The following VKORC1L1 variants were observed in gnomAD, a reference collection of about 807,000 sequenced individuals.
VKORC1L1 encodes the protein vitamin K epoxide reductase complex subunit 1-like protein 1.
Under a neutral mutation model 18.9 loss-of-function variants are expected in VKORC1L1, and 2 were observed. The ratio of observed to expected loss-of-function variants is 0.11; its 90% CI spans 0.04 to 0.33. The LOEUF (loss-of-function observed/expected upper bound fraction) is 0.33. VKORC1L1 is among the 10% of genes least tolerant of loss of function. VKORC1L1 has a pLI of 1.00. For synonymous variants in VKORC1L1, 96 were observed against 100.0 expected (o/e 0.96, Z 0.24); for missense variants, 123 against 224.1 (o/e 0.55, Z 2.88).
At chr7:65,866,779 G>A in the VKORC1L1 span, among the ~76,000 whole-genome samples, 2 of 152,098 alleles carry the variant, frequency 1.3e-5, no homozygotes, top group Admixed American at 1.3e-4. Context: ...TGGGTACGGT[G>A]GCATGCACAT....
At position 65,950,596 on chromosome 7, in the gene VKORC1L1, C is replaced by CA. The variant is rs149432014; in HGVS notation, c.304+1818dup. Among the ~76,000 whole-genome samples, 1,219 of 150,860 alleles carry CA rather than the reference C, an allele frequency of 8.1e-3. 18 individuals are homozygous for CA. The highest frequency in any genetic ancestry group is 0.028 in the African/African-American group (1,148 of 41,042). On this transcript the variant is annotated intron_variant, in intron 2 of 2. Transcript: ENST00000360768. ...TTGCAGAAGTAGAAAGATGTGTGCACAAGGATATTCATAGCAGTACAGTGT... is the reference window on the plus strand; with the variant it reads ...TTGCAGAAGTAGAAAGATGTGTGCACAAAGGATATTCATAGCAGTACAGTGT...
intron 1 of VKORC1L1, among the ~76,000 whole-genome samples, chr7:65,940,964 G>C (rs1790023242): frequency 6.6e-6 from 1 of 151,988 alleles, no homozygotes; most frequent in African/African-American, 2.4e-5. Context: ...ATGAGAGTGG[G>C]GATTAAACTA....
intron 1 of VKORC1L1, among the ~76,000 whole-genome samples, chr7:65,913,849 T>A (rs77552939): frequency 0.013 from 2,000 of 152,106 alleles, 43 homozygotes; most frequent in East Asian, 0.087. Flanking sequence ...TAAGGAAAAT[T>A]TCTGAGTAGT....
chr7:65,870,457 G>T (rs1788713133), upstream of VKORC1L1, among the ~76,000 whole-genome samples: 1 of 151,990 alleles, frequency 6.6e-6, no homozygotes, highest in Admixed American at 6.6e-5. Context: ...ATAAAAATAA[G>T]TGAGGGCTTA....
intron 1 of VKORC1L1, among the ~76,000 whole-genome samples, chr7:65,922,073 T>C (rs1789685106): frequency 6.6e-6 from 1 of 152,180 alleles, no homozygotes; most frequent in South Asian, 2.1e-4. Context: ...TTTCTGTCAG[T>C]GCGTGGACCT....
intron 1 of VKORC1L1, among the ~76,000 whole-genome samples, chr7:65,907,526 C>T (rs929995277): frequency 5.9e-5 from 9 of 152,182 alleles, no homozygotes; most frequent in African/African-American, 1.9e-4. Flanking sequence ...CGGCCTCTGG[C>T]ATCCTTTTGT....
At chr7:65,896,859 TG>T (rs1307011580) in intron 1 of VKORC1L1, among the ~76,000 whole-genome samples, 1 of 151,844 alleles carries the variant, frequency 6.6e-6, no homozygotes, top group African/African-American at 2.4e-5. Context: ...ATTAGCCAGG[TG>T]TAGTGGCACA....
intron 1 of VKORC1L1, among the ~76,000 whole-genome samples, chr7:65,903,235 C>T (rs1789349038): frequency 6.7e-6 from 1 of 148,998 alleles, no homozygotes; most frequent in South Asian, 2.1e-4. Flanking sequence ...GGCATGAACT[C>T]AGCTCACTGC....
upstream of VKORC1L1, among the ~76,000 whole-genome samples, chr7:65,871,784 T>C (rs1788729313): frequency 6.6e-6 from 1 of 151,984 alleles, no homozygotes; most frequent in African/African-American, 2.4e-5. Context: ...GCTGCAGCCC[T>C]GGCTGACAGC....
Position 65,954,600 on chromosome 7 carries a change from A to ATT in VKORC1L1, c.*300_*301insTT. ...GCCCTAGCCCCCTGCCCTCAATTGT[A>ATT]AAGTGAGCAACCATTGCTAGTAATT... On this transcript the variant is annotated 3_prime_UTR_variant, in exon 3 of 3. Transcript: ENST00000360768. The ATT allele has an allele frequency of 2.3e-6, 1 of 433,130 alleles. No homozygotes were observed. The highest frequency in any genetic ancestry group is 3.8e-5 in the East Asian group (1 of 26,622). The allele number at this position is 433,130 out of a possible 1,614,324, so 26.8% of individuals were successfully genotyped here.
intron 1 of VKORC1L1, among the ~76,000 whole-genome samples, chr7:65,911,030 C>G (rs1198698008): frequency 2.6e-5 from 4 of 152,192 alleles, no homozygotes; most frequent in Non-Finnish European, 4.4e-5. Flanking sequence ...TGATGTTACA[C>G]TTCACCATTA....
chr7:65,884,847 T>A (rs1424106494), intron 1 of VKORC1L1, among the ~76,000 whole-genome samples: 4 of 152,314 alleles, frequency 2.6e-5, no homozygotes, highest in South Asian at 2.1e-4. Flanking sequence ...ATTTAAAAAA[T>A]TTATTTTTTA....
At position 65,939,590 on chromosome 7, in the gene VKORC1L1, T is replaced by C. The variant is rs184840397; in HGVS notation, c.195-9081T>C. On this transcript the variant is annotated intron_variant, in intron 1 of 2. Transcript: ENST00000360768. Reference sequence around the variant, plus strand: ...GCCCCTATGGTGGTGGAAGCCAATATTTTGCCAAACCCTGAAACCAAGGTG... The same window carrying C: ...GCCCCTATGGTGGTGGAAGCCAATACTTTGCCAAACCCTGAAACCAAGGTG... Among the ~76,000 whole-genome samples the C allele has an allele frequency of 9.2e-5, 14 of 152,330 alleles. No individual in the cohort carries two copies. In the East Asian group the frequency reaches 2.7e-3, roughly 29 times the overall value.
chr7:65,901,926 A>T (rs1184880073), intron 1 of VKORC1L1, among the ~76,000 whole-genome samples: 1 of 152,210 alleles, frequency 6.6e-6, no homozygotes, highest in East Asian at 1.9e-4. Context: ...CAAGGGCATC[A>T]AAAGGGCATT....
chr7:65,917,554 T>C (rs1472030249), intron 1 of VKORC1L1, among the ~76,000 whole-genome samples: 1 of 151,540 alleles, frequency 6.6e-6, no homozygotes, highest in East Asian at 1.9e-4. Flanking sequence ...TCTCCCATGA[T>C]AAATTTTTCC....
intron 1 of VKORC1L1, among the ~76,000 whole-genome samples, chr7:65,892,570 T>G (rs1789126550): frequency 6.6e-6 from 1 of 152,242 alleles, no homozygotes; most frequent in South Asian, 2.1e-4. Flanking sequence ...GGGGTTTTTG[T>G]ATCCTGGTGT....
intron 1 of VKORC1L1, among the ~76,000 whole-genome samples, chr7:65,876,511 A>C (rs1244951341): frequency 1.3e-5 from 2 of 152,068 alleles, no homozygotes; most frequent in South Asian, 4.1e-4. Context: ...TTAAAAAAAA[A>C]AAAAAAAAGT....
chr7:65,921,930 T>G (rs1342259991), intron 1 of VKORC1L1, among the ~76,000 whole-genome samples: 1 of 152,196 alleles, frequency 6.6e-6, no homozygotes, highest in Non-Finnish European at 1.5e-5. Flanking sequence ...TCGGGGATTC[T>G]TCAACCTTGG....
chr7:65,900,427 A>G (rs1232725187), intron 1 of VKORC1L1, among the ~76,000 whole-genome samples: 1 of 151,752 alleles, frequency 6.6e-6, no homozygotes, highest in African/African-American at 2.4e-5. Context: ...GAAAAATAAA[A>G]TGTTACACAC....
Sources: allele counts gnomAD v4.1 joint callset (sites outside exome capture counted in the v4.1 genomes callset), GRCh38; gene constraint gnomAD v4.1.1; transcripts MANE v1.5; gene names NCBI Gene and HGNC (gene_info 2026-07-23, HGNC 2026-07-21).